Variants in RGS6 observed in about 807,000 individuals in gnomAD.
RGS6 encodes regulator of G protein signaling 6.
Under a neutral mutation model 78.5 loss-of-function variants are expected in RGS6, and 30 were observed. That is an observed-to-expected ratio of 0.38 (90% CI 0.29 to 0.52). The LOEUF (loss-of-function observed/expected upper bound fraction) is 0.52. Among genes scored for constraint, RGS6 ranks in the 20% least tolerant of loss-of-function variants. The probability of loss-of-function intolerance (pLI) is 0.85; values close to 1 mark genes in which losing one functional copy is unlikely to be tolerated. For synonymous variants in RGS6, 206 were observed against 206.0 expected, an observed-to-expected ratio of 1.00 and a Z score of 0.00; for missense variants, 495 against 609.7, an observed-to-expected ratio of 0.81 and a Z score of 1.98.
chr14:72,608,632 T>G, the RGS6 span, among the ~76,000 whole-genome samples: 3 of 152,150 alleles, frequency 2.0e-5, no homozygotes, highest in Admixed American at 2.0e-4. Flanking sequence ...CCCTAGGAGC[T>G]TCTCTGAGGG....
chr14:72,085,862 A>C (rs1597326664), intron 2 of RGS6, among the ~76,000 whole-genome samples: 1 of 150,882 alleles, frequency 6.6e-6, no homozygotes, highest in Admixed American at 6.6e-5. Flanking sequence ...TCAAAAAAAA[A>C]AAAAAAAAAA....
chr14:72,335,104 C>T (rs955945284), intron 2 of RGS6, among the ~76,000 whole-genome samples: 3 of 152,174 alleles, frequency 2.0e-5, no homozygotes, highest in Admixed American at 1.3e-4. Flanking sequence ...TGCCTGCCAC[C>T]ATGTGACTTT....
rs374285095 is a variant in RGS6 at position 72,474,700 on chromosome 14, G to T, written c.693+1G>T. On this transcript the variant is annotated splice_donor_variant, in intron 10 of 17. Coordinates refer to ENST00000553525, the MANE Select transcript of RGS6 (RefSeq NM_001204424.2). LOFTEE classifies it high-confidence loss of function. ...GAAGAATCCACAAAAGGTTAAAAAG[G>T]TTCGCTAGTTTAGCTGAGTTAAAAA... 41 of 1,613,210 alleles carry T rather than the reference G, an allele frequency of 2.5e-5. No individual in the cohort carries two copies. Among genetic ancestry groups the T allele is most frequent in the Middle Eastern group, 1.6e-4 (1 of 6,066 alleles).
At chr14:72,118,613 A>G (rs1451114065) in intron 2 of RGS6, among the ~76,000 whole-genome samples, 1 of 152,162 alleles carries the variant, frequency 6.6e-6, no homozygotes, top group East Asian at 1.9e-4. Flanking sequence ...TTTCCAAAAT[A>G]TCTTTCTGAG....
At chr14:72,485,098 A>G (rs1482322786) in intron 12 of RGS6, among the ~76,000 whole-genome samples, 1 of 152,230 alleles carries the variant, frequency 6.6e-6, no homozygotes, top group Admixed American at 6.5e-5. Flanking sequence ...TAGTGATGTG[A>G]GAATTTGTCA....
At chr14:72,321,412 C>A (rs762562803) in intron 2 of RGS6, among the ~76,000 whole-genome samples, 1 of 151,848 alleles carries the variant, frequency 6.6e-6, no homozygotes, top group Admixed American at 6.6e-5. Flanking sequence ...AAAAAAGATT[C>A]TGAAATCGAG....
At chr14:72,419,335 C>T (rs2094029438) in intron 3 of RGS6, among the ~76,000 whole-genome samples, 1 of 152,224 alleles carries the variant, frequency 6.6e-6, no homozygotes, top group Non-Finnish European at 1.5e-5. Context: ...ATTATCTTCA[C>T]TGCATAGGTG....
intron 3 of RGS6, among the ~76,000 whole-genome samples, chr14:72,425,192 G>A (rs1397157946): frequency 1.3e-5 from 2 of 152,116 alleles, no homozygotes; most frequent in East Asian, 1.9e-4. Context: ...AGGCTAGAGT[G>A]TAGTGGTACA....
chr14:72,417,129 C>T (rs981519542), intron 3 of RGS6, among the ~76,000 whole-genome samples: 20 of 152,326 alleles, frequency 1.3e-4, no homozygotes, highest in Non-Finnish European at 1.2e-4. Flanking sequence ...GAAGGGCAGA[C>T]ATGAAATTGT....
chr14:72,457,142 A>G (rs552030456), intron 4 of RGS6, among the ~76,000 whole-genome samples: 1 of 152,156 alleles, frequency 6.6e-6, no homozygotes, highest in East Asian at 1.9e-4. Flanking sequence ...CAAGTAAAAT[A>G]AAACTCTATT....
intron 2 of RGS6, among the ~76,000 whole-genome samples, chr14:72,335,365 G>A (rs2075839161): frequency 6.6e-6 from 1 of 152,012 alleles, no homozygotes; most frequent in African/African-American, 2.4e-5. Flanking sequence ...TGTTTTCTGG[G>A]TTCCCTGATG....
intron 3 of RGS6, among the ~76,000 whole-genome samples, chr14:72,398,327 G>C (rs983293224): frequency 6.6e-6 from 1 of 152,176 alleles, no homozygotes; most frequent in African/African-American, 2.4e-5. Context: ...TGATTTTCTA[G>C]TTTATTTGCA....
chr14:72,506,574 G>T (rs2096802880), intron 13 of RGS6, among the ~76,000 whole-genome samples: 1 of 152,182 alleles, frequency 6.6e-6, no homozygotes, highest in South Asian at 2.1e-4. Flanking sequence ...GATGTATCTA[G>T]GAAGCTTTTA....
At chr14:72,213,660 T>A (rs531927908) in intron 2 of RGS6, among the ~76,000 whole-genome samples, 2 of 152,282 alleles carry the variant, frequency 1.3e-5, no homozygotes, top group South Asian at 4.2e-4. Flanking sequence ...CTTGTTCAGC[T>A]GTCACATCAT....
At chr14:72,553,432 G>C (rs570690518) in intron 17 of RGS6, 1 of 152,694 alleles carries the variant, frequency 6.5e-6, no homozygotes, top group Admixed American at 6.5e-5. Context: ...AAATCCAAAA[G>C]AGATGATCTG....
At position 72,543,162 on chromosome 14, in the gene RGS6, G is replaced by A. The variant is rs76542169; in HGVS notation, c.1422+3068G>A. On this transcript the variant is annotated intron_variant, in intron 17 of 17. Coordinates refer to ENST00000553525, the MANE Select transcript of RGS6 (RefSeq NM_001204424.2). Reference sequence around the variant, plus strand: ...TGAACTAAACATGACTGAAGTCCACGACAGGGCGCAACTAGCCTACCATGT... The same window carrying A: ...TGAACTAAACATGACTGAAGTCCACAACAGGGCGCAACTAGCCTACCATGT... Among the ~76,000 whole-genome samples, 1,485 of 152,258 alleles carry A rather than the reference G, an allele frequency of 9.8e-3. 31 individuals carry two copies. Among genetic ancestry groups the A allele is most frequent in the African/African-American group, 0.034 (1,412 of 41,526 alleles).
rs925697226 is a variant in RGS6, at chr14:72,566,161, T to TGATA, written c.*3695_*3698dup. 4 of 152,094 alleles carry TGATA rather than the reference T, an allele frequency of 2.6e-5. No individual in the cohort carries two copies. Among genetic ancestry groups the TGATA allele is most frequent in the African/African-American group, 9.7e-5 (4 of 41,410 alleles). 9.4% of individuals were successfully genotyped at this position (152,094 alleles called of 1,614,324 possible). Reference sequence around the variant, plus strand: ...CAACCTACTCATTAGTACCACCCAGTGATAAGGCATCCCCTGGGCTAGACC... The same window carrying TGATA: ...CAACCTACTCATTAGTACCACCCAGTGATAGATAAGGCATCCCCTGGGCTAGACC... On this transcript the variant is annotated 3_prime_UTR_variant, in exon 18 of 18. Coordinates refer to ENST00000553525, the MANE Select transcript of RGS6 (RefSeq NM_001204424.2).
At chr14:72,352,054 T>A (rs767767986) in intron 2 of RGS6, 41 bp from the exon 3 acceptor site, 5 of 1,447,684 alleles carry the variant, frequency 3.5e-6, no homozygotes, top group Non-Finnish European at 4.8e-6. Flanking sequence ...ATAATTACAT[T>A]ATGGGAGAAA....
At chr14:72,414,009 C>T (rs2093620960) in intron 3 of RGS6, among the ~76,000 whole-genome samples, 1 of 152,154 alleles carries the variant, frequency 6.6e-6, no homozygotes, top group African/African-American at 2.4e-5. Context: ...ACATTTTTTC[C>T]TTCATTTCAA....
Sources: allele counts gnomAD v4.1 joint callset (sites outside exome capture counted in the v4.1 genomes callset), GRCh38; gene constraint gnomAD v4.1.1; transcripts MANE v1.5; gene names NCBI Gene and HGNC (gene_info 2026-07-23, HGNC 2026-07-21).